WSCD2: variants seen among roughly 807,000 people sequenced by gnomAD.
WSCD2 encodes sialate:O-sulfotransferase 2.
Under a neutral mutation model 55.7 loss-of-function variants are expected in WSCD2, and 28 were observed. The observed-to-expected ratio is 0.50, with a 90% CI of 0.37 to 0.69. The LOEUF (loss-of-function observed/expected upper bound fraction) is 0.69, where lower values mean the gene tolerates loss of function less well. WSCD2 is among the 30% of genes least tolerant of loss of function. The pLI is 0.00. For missense variants in WSCD2, 616 were observed against 762.1 expected, an observed-to-expected ratio of 0.81 and a Z score of 2.26; for synonymous variants, 301 against 301.9, an observed-to-expected ratio of 1.00 and a Z score of 0.03.
chr12:108,189,559 T>G lies in WSCD2; in HGVS notation c.-551-5723T>G, dbSNP rs1274664232. Reference sequence around the variant, plus strand: ...CTGTGGGTGGGGCACATATGGCATCTGTTACAGATCTACCAAACTGACCAA... The same window carrying G: ...CTGTGGGTGGGGCACATATGGCATCGGTTACAGATCTACCAAACTGACCAA... On this transcript the variant is annotated intron_variant, in intron 1 of 8. Transcript: ENST00000547525. The G allele has an allele frequency of 5.9e-5, 9 of 152,318 alleles. No homozygotes were observed. In the East Asian group the frequency reaches 1.7e-3, roughly 29 times the overall value. 9.4% of individuals were successfully genotyped at this position (152,318 alleles called of 1,614,324 possible).
chr12:108,239,801 AC>A (rs1391444944), intron 7 of WSCD2, among the ~76,000 whole-genome samples: 1 of 152,120 alleles, frequency 6.6e-6, no homozygotes, highest in African/African-American at 2.4e-5. Context: ...TGCAGCCTCA[AC>A]CTTCTAGCTC....
At chr12:108,173,972 A>G (rs1023068155) in intron 1 of WSCD2, among the ~76,000 whole-genome samples, 3 of 151,862 alleles carry the variant, frequency 2.0e-5, no homozygotes, top group African/African-American at 7.3e-5. Flanking sequence ...CATTCATCCA[A>G]CCATGCTCCT....
chr12:108,190,811 G>T, intron 1 of WSCD2, among the ~76,000 whole-genome samples: 1 of 152,106 alleles, frequency 6.6e-6, no homozygotes, highest in East Asian at 1.9e-4. Flanking sequence ...CAGAGTAGAG[G>T]TCGTCCACCA....
chr12:108,168,690 G>T (rs1879915910), intron 1 of WSCD2, among the ~76,000 whole-genome samples: 1 of 152,168 alleles, frequency 6.6e-6, no homozygotes, highest in African/African-American at 2.4e-5. Context: ...ATAGGGCTGG[G>T]CTCAGCAAAT....
intron 1 of WSCD2, among the ~76,000 whole-genome samples, chr12:108,180,726 T>C (rs1317665863): frequency 2.0e-5 from 3 of 152,242 alleles, no homozygotes; most frequent in Non-Finnish European, 2.9e-5. Context: ...TTGAGCCTCC[T>C]CCAACTCTCA....
chr12:108,220,956 A>T (rs888495274), intron 4 of WSCD2, among the ~76,000 whole-genome samples: 1 of 152,172 alleles, frequency 6.6e-6, no homozygotes, highest in African/African-American at 2.4e-5. Context: ...CAGCTCTGTA[A>T]CACTGGAAGC....
intron 6 of WSCD2, among the ~76,000 whole-genome samples, chr12:108,231,257 G>A (rs992928346): frequency 1.3e-5 from 2 of 152,164 alleles, no homozygotes; most frequent in African/African-American, 4.8e-5. Context: ...ACTGAGACCT[G>A]GGGCCTCCAG....
chr12:108,147,482 A>T (rs529878265), intron 1 of WSCD2, among the ~76,000 whole-genome samples: 12 of 152,206 alleles, frequency 7.9e-5, no homozygotes, highest in Admixed American at 2.0e-4. Flanking sequence ...TGTAGGGAAC[A>T]GGGGAGGGAT....
chr12:108,230,684 T>C (rs1026432969), intron 6 of WSCD2, among the ~76,000 whole-genome samples: 6 of 152,218 alleles, frequency 3.9e-5, no homozygotes, highest in Non-Finnish European at 5.9e-5. Flanking sequence ...AAATAGCAGC[T>C]AATGCAGAAC....
intron 1 of WSCD2, among the ~76,000 whole-genome samples, chr12:108,168,966 C>T (rs532007148): frequency 5.3e-5 from 8 of 152,038 alleles, no homozygotes; most frequent in Non-Finnish European, 8.8e-5. Flanking sequence ...AACAAAATAT[C>T]ATCAGTATTT....
In WSCD2 at chr12:108,195,895, C is replaced by T; in HGVS notation, c.63C>T (p.Thr21=). 1 of 1,614,148 alleles carries T rather than the reference C, an allele frequency of 6.2e-7. No individual in the cohort carries two copies. The highest frequency in any genetic ancestry group is 8.5e-7 in the Non-Finnish European group (1 of 1,180,014). ...GCCGGAAACCTGTGCGCTTCTTTACCTTCCTGGCACTCTACCTGACTGCTG... is the reference window on the plus strand; with the variant it reads ...GCCGGAAACCTGTGCGCTTCTTTACTTTCCTGGCACTCTACCTGACTGCTG... The part of the protein sequence containing the change: ...YFRRKPVRFF[T]FLALYLTAGS... Residue 21 remains threonine (T), a synonymous_variant, in exon 2 of 9, where the codon ACC becomes ACT. Transcript: ENST00000547525.
At chr12:108,177,160 T>C (rs1461370805) in intron 1 of WSCD2, among the ~76,000 whole-genome samples, 1 of 152,180 alleles carries the variant, frequency 6.6e-6, no homozygotes, top group Non-Finnish European at 1.5e-5. Flanking sequence ...GGGCTTGTAT[T>C]AGTGTTTCTC....
intron 4 of WSCD2, among the ~76,000 whole-genome samples, chr12:108,223,739 C>A (rs2137156879): frequency 6.6e-6 from 1 of 152,316 alleles, no homozygotes; most frequent in South Asian, 2.1e-4. Context: ...GAGCAAGCAG[C>A]CCCTCCCAGG....
At chr12:108,171,023 G>T (rs1880186765) in intron 1 of WSCD2, among the ~76,000 whole-genome samples, 2 of 152,302 alleles carry the variant, frequency 1.3e-5, no homozygotes, top group African/African-American at 4.8e-5. Context: ...GCTAAGGTAG[G>T]AGAGGCTGGT....
chr12:108,189,029 T>A (rs532690191), intron 1 of WSCD2, among the ~76,000 whole-genome samples: 1 of 152,334 alleles, frequency 6.6e-6, no homozygotes, highest in Non-Finnish European at 1.5e-5. Context: ...TACAGGATGT[T>A]TATCATAGCG....
At chr12:108,226,036 A>T (rs1212709559) in intron 5 of WSCD2, among the ~76,000 whole-genome samples, 1 of 152,024 alleles carries the variant, frequency 6.6e-6, no homozygotes, top group Non-Finnish European at 1.5e-5. Flanking sequence ...ACCACAGTAA[A>T]TGCCCCCTTG....
chr12:108,232,699 G>A, intron 6 of WSCD2, 32 bp from the exon 7 acceptor site: 1 of 1,579,830 alleles, frequency 6.3e-7, no homozygotes. Context: ...TGCCCCTGGT[G>A]TTGACCTCTG....
At chr12:108,133,179 C>G (rs1393044101) in intron 1 of WSCD2, among the ~76,000 whole-genome samples, 1 of 151,888 alleles carries the variant, frequency 6.6e-6, no homozygotes, top group Non-Finnish European at 1.5e-5. Flanking sequence ...CACACTTGAG[C>G]GTATCTCTGT....
intron 1 of WSCD2, among the ~76,000 whole-genome samples, chr12:108,191,764 C>T (rs770485752): frequency 2.6e-5 from 4 of 152,192 alleles, no homozygotes; most frequent in Non-Finnish European, 5.9e-5. Flanking sequence ...CTCCTCCTAG[C>T]ACCGGCAGGA....
Sources: gnomAD v4.1 joint callset for allele counts (sites outside exome capture counted in the v4.1 genomes callset) on GRCh38, gnomAD v4.1.1 for gene constraint, MANE v1.5 for transcripts, NCBI Gene and HGNC (gene_info 2026-07-23, HGNC 2026-07-21) for gene names.